Variants in SLC26A7 observed in about 807,000 individuals in gnomAD.
The protein encoded by SLC26A7 is anion exchange transporter.
SLC26A7 carries 59 observed loss-of-function variants against 82.5 expected under a neutral mutation model. The observed-to-expected ratio is 0.72, with a 90% confidence interval of 0.58 to 0.89. SLC26A7 has a LOEUF of 0.89. Among genes scored for constraint, SLC26A7 ranks in the 40% least tolerant of loss-of-function variants. The probability of loss-of-function intolerance (pLI) is 0.00; values close to 1 mark genes in which losing one functional copy is unlikely to be tolerated. For synonymous variants in SLC26A7, 271 were observed against 274.3 expected (o/e 0.99, Z 0.12); for missense variants, 820 against 793.0 (o/e 1.03, Z -0.41).
rs538237004 is a variant in SLC26A7, at chr8:91,355,821, C to T, written c.1314+2825C>T. 3.6e-4 allele frequency among the ~76,000 whole-genome samples: 54 copies of T among 152,098 alleles called. 1 individual carries two copies. The highest frequency in any genetic ancestry group is 3.3e-3 in the South Asian group (16 of 4,820). On this transcript the variant is annotated intron_variant, in intron 11 of 18. Coordinates refer to ENST00000276609, the MANE Select transcript of SLC26A7 (RefSeq NM_052832.4). ...ATACATGTGCCATGTTGGTGTGCTG[C>T]GCCCATTAACTCGTCATTTAGCATT...
chr8:91,271,608 TTTTTG>T (rs1328988248), intron 2 of SLC26A7, among the ~76,000 whole-genome samples: 1 of 149,510 alleles, frequency 6.7e-6, no homozygotes, highest in Non-Finnish European at 1.5e-5. Context: ...TTTTTTTTTT[TTTTTG>T]AGACGGAGTC....
intron 4 of SLC26A7, among the ~76,000 whole-genome samples, chr8:91,307,783 A>T (rs1348569802): frequency 6.9e-6 from 1 of 145,716 alleles, no homozygotes; most frequent in Non-Finnish European, 1.5e-5. Flanking sequence ...CATGTACCCT[A>T]AAACTTAAAG....
At chr8:91,254,731 C>T (rs1386988896) in intron 2 of SLC26A7, among the ~76,000 whole-genome samples, 1 of 152,060 alleles carries the variant, frequency 6.6e-6, no homozygotes, top group Non-Finnish European at 1.5e-5. Context: ...ACTTCAGGTC[C>T]TTCTTTTACT....
At chr8:91,257,999 A>C (rs1210238817) in intron 2 of SLC26A7, among the ~76,000 whole-genome samples, 3 of 152,040 alleles carry the variant, frequency 2.0e-5, no homozygotes, top group African/African-American at 7.2e-5. Flanking sequence ...AATGCCAGAC[A>C]CTTATAAAAC....
intron 9 of SLC26A7, among the ~76,000 whole-genome samples, chr8:91,347,032 A>G (rs1480024773): frequency 6.6e-6 from 1 of 152,154 alleles, no homozygotes; most frequent in African/African-American, 2.4e-5. Context: ...CCTTGACTTA[A>G]AGCTACTGGA....
At position 91,312,694 on chromosome 8, in the gene SLC26A7, C is replaced by T. The variant is rs564811326; in HGVS notation, c.478-5522C>T. 2.4e-3 allele frequency among the ~76,000 whole-genome samples: 362 copies of T among 151,418 alleles called. 2 individuals carry two copies. The highest frequency in any genetic ancestry group is 3.5e-3 in the Non-Finnish European group (239 of 67,838). On this transcript the variant is annotated intron_variant, in intron 4 of 18. Transcript: ENST00000276609. ...GTGTGTTTGATAGTAGTCATCCTAA[C>T]GGATGTGAGGTGCTCTCTCATTGTA...
At chr8:91,290,041 A>G (rs1488509309) in intron 3 of SLC26A7, among the ~76,000 whole-genome samples, 2 of 152,222 alleles carry the variant, frequency 1.3e-5, no homozygotes, top group Admixed American at 1.3e-4. Context: ...TAGATAATTG[A>G]TATACAGTGC....
chr8:91,258,270 G>A (rs1216851685), intron 2 of SLC26A7, among the ~76,000 whole-genome samples: 1 of 152,050 alleles, frequency 6.6e-6, no homozygotes, highest in Non-Finnish European at 1.5e-5. Flanking sequence ...CCTAGCTCTA[G>A]AGATAAATCG....
intron 18 of SLC26A7, chr8:91,394,678 A>T (rs1808518107): frequency 9.1e-7 from 1 of 1,100,178 alleles, no homozygotes; most frequent in African/African-American, 1.6e-5. Context: ...TATTTACAAA[A>T]TAATAATAAC....
In SLC26A7 at chr8:91,249,637, G is replaced by T; in HGVS notation, c.-15G>T. The T allele has an allele frequency of 2.7e-6, 4 of 1,498,284 alleles. No individual in the cohort carries two copies. The highest frequency in any genetic ancestry group is 3.6e-6 in the Non-Finnish European group (4 of 1,124,458). 92.8% of individuals were successfully genotyped at this position (1,498,284 alleles called of 1,614,324 possible). On this transcript the variant is annotated 5_prime_UTR_variant, in exon 2 of 19. Transcript: ENST00000276609. ...TGTTTAGAGAAGTTTACTTCTACAAGAAGAAATCTGAAAAATGACAGGAGC... is the reference window on the plus strand; with the variant it reads ...TGTTTAGAGAAGTTTACTTCTACAATAAGAAATCTGAAAAATGACAGGAGC...
chr8:91,355,344 T>A (rs1366171413), intron 11 of SLC26A7, among the ~76,000 whole-genome samples: 1 of 152,122 alleles, frequency 6.6e-6, no homozygotes, highest in African/African-American at 2.4e-5. Context: ...TTTTTTCTTC[T>A]AATATATCTT....
chr8:91,310,214 A>G (rs1351501994), intron 4 of SLC26A7, among the ~76,000 whole-genome samples: 1 of 152,166 alleles, frequency 6.6e-6, no homozygotes, highest in African/African-American at 2.4e-5. Context: ...ATGTCTGACT[A>G]GCTACCTACT....
At chr8:91,355,548 G>A (rs1813839902) in intron 11 of SLC26A7, among the ~76,000 whole-genome samples, 2 of 151,760 alleles carry the variant, frequency 1.3e-5, no homozygotes, top group African/African-American at 2.4e-5. Flanking sequence ...TTTTAAACAT[G>A]GCTTTTATTT....
rs533210420 is a variant in SLC26A7, at chr8:91,284,919, G to C, written c.194-4217G>C. 5.0e-4 allele frequency among the ~76,000 whole-genome samples: 76 copies of C among 152,296 alleles called. 1 individual carries two copies. The South Asian group carries it at 0.016, about 31-fold the overall frequency. ...GTGAGGTTGAACTCTCCAGCATCAA[G>C]TGACCTCTTACTTTCTGTCTCCCTC... On this transcript the variant is annotated intron_variant, in intron 2 of 18. Transcript: ENST00000276609.
intron 6 of SLC26A7, among the ~76,000 whole-genome samples, chr8:91,336,405 C>T (rs1035655881): frequency 3.3e-5 from 5 of 152,070 alleles, no homozygotes; most frequent in African/African-American, 4.8e-5. Context: ...GGAACACGAA[C>T]CCTGTTGTGA....
intron 1 of SLC26A7, among the ~76,000 whole-genome samples, chr8:91,210,562 G>GACACACACACACACAC (rs35968986): frequency 7.5e-4 from 109 of 146,194 alleles, no homozygotes; most frequent in African/African-American, 1.3e-3. Flanking sequence ...CACACACACA[G>GACACACACACACACAC]ACACACACAC....
intron 11 of SLC26A7, among the ~76,000 whole-genome samples, chr8:91,354,572 A>G (rs759823022): frequency 3.9e-5 from 6 of 152,142 alleles, no homozygotes; most frequent in Non-Finnish European, 8.8e-5. Context: ...AAATGTATGT[A>G]TTAGAAAGGT....
chr8:91,266,940 G>C (rs1811129065), intron 2 of SLC26A7, among the ~76,000 whole-genome samples: 1 of 151,744 alleles, frequency 6.6e-6, no homozygotes, highest in African/African-American at 2.4e-5. Flanking sequence ...GAGAGTTTTT[G>C]TCATGAAGCG....
chr8:91,394,773 GA>G (rs1329240171), intron 18 of SLC26A7: 15 of 1,048,904 alleles, frequency 1.4e-5, no homozygotes, highest in Non-Finnish European at 1.6e-5. Context: ...TTGTTTAACT[GA>G]ATTTGCCATG....
Sources: gnomAD v4.1 joint callset for allele counts (sites outside exome capture counted in the v4.1 genomes callset) on GRCh38, gnomAD v4.1.1 for gene constraint, MANE v1.5 for transcripts, NCBI Gene and HGNC (gene_info 2026-07-23, HGNC 2026-07-21) for gene names.